CLSTN2: variants seen among roughly 807,000 people sequenced by gnomAD.
CLSTN2 encodes the protein calsyntenin 2.
CLSTN2 carries 48 observed loss-of-function variants against 101.2 expected under a neutral mutation model. The observed-to-expected ratio is 0.47, with a 90% CI of 0.38 to 0.60. The LOEUF (loss-of-function observed/expected upper bound fraction) is 0.60. CLSTN2 is among the 20% of genes least tolerant of loss of function. The pLI is 0.00. For synonymous variants in CLSTN2, 481 were observed against 463.6 expected, an observed-to-expected ratio of 1.04 and a Z score of -0.48; for missense variants, 1,160 against 1,238.2, an observed-to-expected ratio of 0.94 and a Z score of 0.95.
chr3:140,172,275 G>A (rs2107826746), intron 1 of CLSTN2, among the ~76,000 whole-genome samples: 1 of 152,240 alleles, frequency 6.6e-6, no homozygotes, highest in East Asian at 1.9e-4. Flanking sequence ...TCACAGTTAA[G>A]TAATCAGATT....
intron 2 of CLSTN2, among the ~76,000 whole-genome samples, chr3:140,380,097 G>T (rs2087962550): frequency 6.6e-6 from 1 of 152,154 alleles, no homozygotes; most frequent in South Asian, 2.1e-4. Flanking sequence ...GAAATTGTTG[G>T]AATAAGAGCC....
chr3:140,337,252 C>T (rs899813677), intron 2 of CLSTN2, among the ~76,000 whole-genome samples: 3 of 152,186 alleles, frequency 2.0e-5, no homozygotes, highest in African/African-American at 7.2e-5. Flanking sequence ...CCTGGAAGTC[C>T]AAGATCAATG....
intron 2 of CLSTN2, among the ~76,000 whole-genome samples, chr3:140,392,633 A>G (rs1009211710): frequency 6.6e-6 from 1 of 152,154 alleles, no homozygotes; most frequent in Non-Finnish European, 1.5e-5. Flanking sequence ...CTTCTGCACT[A>G]AAGAGTGCAG....
chr3:140,387,766 T>A (rs1475443495), intron 2 of CLSTN2, among the ~76,000 whole-genome samples: 1 of 152,256 alleles, frequency 6.6e-6, no homozygotes, highest in Non-Finnish European at 1.5e-5. Context: ...TTTCAAAATT[T>A]ACATGATTTA....
At chr3:140,303,695 T>C (rs1337476840) in intron 2 of CLSTN2, among the ~76,000 whole-genome samples, 1 of 152,020 alleles carries the variant, frequency 6.6e-6, no homozygotes, top group Non-Finnish European at 1.5e-5. Context: ...GAAGGGATCA[T>C]TCGGTGTCCC....
chr3:140,556,390 C>G (rs1559903510), intron 10 of CLSTN2, 123 bp from the exon 11 acceptor site: 2 of 818,086 alleles, frequency 2.4e-6, no homozygotes, highest in Non-Finnish European at 4.0e-6. Context: ...AACTGTGTCA[C>G]TGGCAGATGC....
chr3:140,217,295 T>A (rs1049698138), intron 2 of CLSTN2, among the ~76,000 whole-genome samples: 1 of 152,180 alleles, frequency 6.6e-6, no homozygotes, highest in African/African-American at 2.4e-5. Flanking sequence ...TGTGCCAAAG[T>A]TGGGGATGTT....
chr3:140,324,336 C>A (rs1251786922), intron 2 of CLSTN2, among the ~76,000 whole-genome samples: 1 of 152,108 alleles, frequency 6.6e-6, no homozygotes, highest in East Asian at 1.9e-4. Context: ...CATGTTGTAC[C>A]CCTCTAGTTC....
chr3:140,548,312 C>T (rs1935641133), intron 10 of CLSTN2, among the ~76,000 whole-genome samples: 1 of 152,200 alleles, frequency 6.6e-6, no homozygotes, highest in African/African-American at 2.4e-5. Context: ...CTAACATTTC[C>T]TGAGGGTCTC....
intron 2 of CLSTN2, among the ~76,000 whole-genome samples, chr3:140,299,169 T>C (rs1201028516): frequency 1.3e-5 from 2 of 152,122 alleles, no homozygotes; most frequent in Non-Finnish European, 2.9e-5. Context: ...AACTTTCAAT[T>C]ATTATAGTGT....
chr3:140,299,094 C>CT (rs1559832253), intron 2 of CLSTN2, among the ~76,000 whole-genome samples: 2 of 152,170 alleles, frequency 1.3e-5, no homozygotes, highest in Admixed American at 6.5e-5. Context: ...GTGCTACTGG[C>CT]TCCTAACAGC....
intron 1 of CLSTN2, among the ~76,000 whole-genome samples, chr3:139,952,641 A>T (rs80065688): frequency 6.6e-6 from 1 of 152,190 alleles, no homozygotes; most frequent in African/African-American, 2.4e-5. Context: ...CTAAAAAAAA[A>T]TTGGGGGAGC....
intron 1 of CLSTN2, among the ~76,000 whole-genome samples, chr3:139,952,876 G>A (rs771167221): frequency 2.0e-5 from 3 of 152,124 alleles, no homozygotes; most frequent in Non-Finnish European, 4.4e-5. Flanking sequence ...GTGGGTACTG[G>A]GCTTACGTTT....
intron 8 of CLSTN2, among the ~76,000 whole-genome samples, chr3:140,490,461 C>T (rs1219057903): frequency 6.6e-6 from 1 of 151,660 alleles, no homozygotes; most frequent in Non-Finnish European, 1.5e-5. Context: ...AAAACTGAAG[C>T]TGGGCCACAA....
At chr3:140,329,861 AAAGTT>A (rs1559840423) in intron 2 of CLSTN2, among the ~76,000 whole-genome samples, 1 of 152,200 alleles carries the variant, frequency 6.6e-6, no homozygotes, top group Non-Finnish European at 1.5e-5. Flanking sequence ...TAAAATATTA[AAAGTT>A]AAGTAATTCA....
chr3:140,348,515 C>T (rs753828121), intron 2 of CLSTN2, among the ~76,000 whole-genome samples: 1 of 152,150 alleles, frequency 6.6e-6, no homozygotes, highest in Non-Finnish European at 1.5e-5. Flanking sequence ...CATCAGTCTG[C>T]TCTCCCAAGG....
rs190719023 is a variant in CLSTN2, at chr3:140,255,212, T to A, written c.232+79139T>A. On this transcript the variant is annotated intron_variant, in intron 2 of 16. Transcript: ENST00000458420. ...TATACGCTGCTGGTGGGAATGTAAA[T>A]TAGTTCAGCCATCGTGGAAAGCAGT... Among the ~76,000 whole-genome samples the A allele has an allele frequency of 1.7e-3, 257 of 152,276 alleles. 1 individual carries two copies. The highest frequency in any genetic ancestry group is 6.0e-3 in the African/African-American group (249 of 41,554).
intron 1 of CLSTN2, among the ~76,000 whole-genome samples, chr3:139,949,093 C>T (rs1031464379): frequency 7.9e-5 from 12 of 152,296 alleles, no homozygotes; most frequent in African/African-American, 2.2e-4. Context: ...GCCTCCCCCA[C>T]GCTGTCAGCA....
chr3:140,051,590 A>G lies in CLSTN2; in HGVS notation c.109+116107A>G, dbSNP rs1263403580. 4.6e-5 allele frequency among the ~76,000 whole-genome samples: 7 copies of G among 152,072 alleles called. No homozygotes were observed. The South Asian group carries it at 1.5e-3, about 32-fold the overall frequency. Reference sequence around the variant, plus strand: ...GGATTATTCACACGCGTGTTTCTCCATCTGTTGTCTCATTCTACTCCCTGT... The same window carrying G: ...GGATTATTCACACGCGTGTTTCTCCGTCTGTTGTCTCATTCTACTCCCTGT... On this transcript the variant is annotated intron_variant, in intron 1 of 16. Transcript: ENST00000458420.
Sources: allele counts gnomAD v4.1 joint callset (sites outside exome capture counted in the v4.1 genomes callset), GRCh38; gene constraint gnomAD v4.1.1; transcripts MANE v1.5; gene names NCBI Gene and HGNC (gene_info 2026-07-23, HGNC 2026-07-21).